Variants in LRP1B observed in about 807,000 individuals in gnomAD.
The protein encoded by LRP1B is low-density lipoprotein receptor-related protein 1B.
Under a neutral mutation model 556.6 loss-of-function variants are expected in LRP1B, and 217 were observed. The observed-to-expected ratio is 0.39, with a 90% confidence interval of 0.35 to 0.44. LRP1B has a LOEUF of 0.44. Among genes scored for constraint, LRP1B ranks in the 20% least tolerant of loss-of-function variants. The pLI is 1.00. For synonymous variants in LRP1B, 2,047 were observed against 1,865.8 expected (o/e 1.10, Z -2.50); for missense variants, 5,053 against 5,620.8 (o/e 0.90, Z 3.23).
At chr2:140,681,023 T>A (rs2105377337) in intron 41 of LRP1B, among the ~76,000 whole-genome samples, 1 of 152,312 alleles carries the variant, frequency 6.6e-6, no homozygotes, top group East Asian at 1.9e-4. Context: ...ATGTGGGGTA[T>A]AAGTCACAGG....
At chr2:141,852,119 A>C (rs207462488) in intron 1 of LRP1B, among the ~76,000 whole-genome samples, 1 of 151,856 alleles carries the variant, frequency 6.6e-6, no homozygotes. Flanking sequence ...TAGAATAGGT[A>C]GTTGTGATTA....
chr2:141,964,982 A>G (rs1183860803), intron 1 of LRP1B, among the ~76,000 whole-genome samples: 1 of 147,990 alleles, frequency 6.8e-6, no homozygotes, highest in African/African-American at 2.5e-5. Flanking sequence ...GCAGCCAAAA[A>G]ACACATGAAA....
At chr2:141,446,978 G>A (rs1470898731) in intron 3 of LRP1B, among the ~76,000 whole-genome samples, 1 of 152,146 alleles carries the variant, frequency 6.6e-6, no homozygotes, top group East Asian at 1.9e-4. Flanking sequence ...GGTTGGGGAA[G>A]TTCTCCTGAA....
rs186902148 is a variant in LRP1B at position 140,948,592 on chromosome 2, C to G, written c.3136+1643G>C. On this transcript the variant is annotated intron_variant, in intron 20 of 90. Transcript: ENST00000389484. ...ATAATGCATTCTTCTGATTTTGAAG[C>G]AAAATTGAATTCAAATATGCTTATG... Among the ~76,000 whole-genome samples the G allele has an allele frequency of 4.8e-3, 735 of 152,282 alleles. 2 individuals carry two copies. Among genetic ancestry groups the G allele is most frequent in the Admixed American group, 8.2e-3 (125 of 15,302 alleles).
At chr2:140,944,727 C>A (rs1408044374) in intron 20 of LRP1B, among the ~76,000 whole-genome samples, 2 of 152,050 alleles carry the variant, frequency 1.3e-5, no homozygotes, top group East Asian at 1.9e-4. Flanking sequence ...CATGATAAAA[C>A]CTTCAACATA....
At chr2:141,912,517 T>C (rs1307188487) in intron 1 of LRP1B, among the ~76,000 whole-genome samples, 1 of 152,090 alleles carries the variant, frequency 6.6e-6, no homozygotes, top group South Asian at 2.1e-4. Context: ...GAAAAGAAGA[T>C]GGAGCTAGGA....
At chr2:141,017,649 ATATATATG>A (rs1697944179) in intron 12 of LRP1B, among the ~76,000 whole-genome samples, 2 of 151,566 alleles carry the variant, frequency 1.3e-5, no homozygotes, top group African/African-American at 2.4e-5. Context: ...GGTTACATAT[ATATATATG>A]TATATATGTA....
At position 141,752,546 on chromosome 2, in the gene LRP1B, A is replaced by C. The variant is rs550053028; in HGVS notation, c.205+57733T>G. ...TGTGGTCTGCTTAGGGCTCTGCCAA[A>C]ACCGGTGGTTCTCAAAGGTAGCCAT... On this transcript the variant is annotated intron_variant, in intron 2 of 90. Transcript: ENST00000389484. Among the ~76,000 whole-genome samples, 25 of 152,180 alleles carry C rather than the reference A, an allele frequency of 1.6e-4. 1 individual carries two copies. The South Asian group carries it at 4.1e-3, about 25-fold the overall frequency.
chr2:141,863,159 T>C (rs1399057868), intron 1 of LRP1B, among the ~76,000 whole-genome samples: 1 of 152,228 alleles, frequency 6.6e-6, no homozygotes, highest in East Asian at 1.9e-4. Context: ...AATATTCATA[T>C]TTAAACTTCT....
intron 27 of LRP1B, among the ~76,000 whole-genome samples, chr2:140,852,554 AC>A (rs1340664258): frequency 7.2e-5 from 11 of 152,114 alleles, no homozygotes; most frequent in Non-Finnish European, 1.3e-4. Flanking sequence ...GTACATATAT[AC>A]CTTTCCTTCA....
chr2:141,796,570 A>C (rs913004827), intron 2 of LRP1B, among the ~76,000 whole-genome samples: 2 of 128,724 alleles, frequency 1.6e-5, no homozygotes, highest in African/African-American at 6.0e-5. Context: ...TAGAGATAGC[A>C]TTTTATTCTT....
At position 141,938,846 on chromosome 2, in the gene LRP1B, C is replaced by A. The variant is rs1700711230; in HGVS notation, c.83-128445G>T. Among the ~76,000 whole-genome samples, 3 of 152,072 alleles carry A rather than the reference C, an allele frequency of 2.0e-5. No homozygotes were observed. In the South Asian group the frequency reaches 6.2e-4, roughly 32 times the overall value. On this transcript the variant is annotated intron_variant, in intron 1 of 90. Transcript: ENST00000389484. ...AAAAAGAAGGTCCTGTCATTTGTGA[C>A]AACATATATGAATCTGGAGGACATT...
intron 32 of LRP1B, among the ~76,000 whole-genome samples, chr2:140,786,255 T>G (rs1689896564): frequency 6.6e-6 from 1 of 152,202 alleles, no homozygotes; most frequent in Admixed American, 6.5e-5. Context: ...CAGGGATAGA[T>G]TAACCATGTT....
chr2:141,617,457 G>T (rs1168126444), intron 2 of LRP1B, among the ~76,000 whole-genome samples: 1 of 152,122 alleles, frequency 6.6e-6, no homozygotes, highest in Admixed American at 6.5e-5. Flanking sequence ...ACAGAATGGA[G>T]CATGCTAGCC....
chr2:141,846,459 G>T (rs939229285), intron 1 of LRP1B, among the ~76,000 whole-genome samples: 1 of 151,390 alleles, frequency 6.6e-6, no homozygotes, highest in Non-Finnish European at 1.5e-5. Context: ...TTTGGAACAG[G>T]TTATCTTTAT....
intron 35 of LRP1B, among the ~76,000 whole-genome samples, 166 bp from the exon 36 acceptor site, chr2:140,716,982 AG>A (rs1687236105): frequency 6.6e-6 from 1 of 152,088 alleles, no homozygotes; most frequent in African/African-American, 2.4e-5. Flanking sequence ...GTAAAAAAAA[AG>A]CATGAAAAGA....
chr2:141,457,948 T>G (rs1681694800), intron 3 of LRP1B, among the ~76,000 whole-genome samples: 1 of 152,134 alleles, frequency 6.6e-6, no homozygotes, highest in African/African-American at 2.4e-5. Context: ...TGTAGTATGG[T>G]CAAAGGGAAT....
intron 3 of LRP1B, among the ~76,000 whole-genome samples, chr2:141,456,370 A>G (rs1681628934): frequency 6.6e-6 from 1 of 152,186 alleles, no homozygotes; most frequent in Non-Finnish European, 1.5e-5. Flanking sequence ...TTTTGCATGA[A>G]TCCTGACTAA....
intron 3 of LRP1B, among the ~76,000 whole-genome samples, chr2:141,463,917 TG>T (rs1682052630): frequency 6.7e-6 from 1 of 150,034 alleles, no homozygotes; most frequent in Non-Finnish European, 1.5e-5. Flanking sequence ...TTTCTGATTT[TG>T]GGGGGCCATA....
Sources: gnomAD v4.1 joint callset for allele counts (sites outside exome capture counted in the v4.1 genomes callset) on GRCh38, gnomAD v4.1.1 for gene constraint, MANE v1.5 for transcripts, NCBI Gene and HGNC (gene_info 2026-07-23, HGNC 2026-07-21) for gene names.